LEMD3: variants seen among roughly 807,000 people sequenced by gnomAD.
The protein encoded by LEMD3 is LEM domain containing 3, also known as inner nuclear membrane protein Man1.
A neutral mutation model predicts 95.2 loss-of-function variants in LEMD3; 33 were observed. That is an observed-to-expected ratio of 0.35 (90% confidence interval 0.26 to 0.46). The LOEUF is 0.46. LEMD3 is among the 20% of genes least tolerant of loss of function. The pLI is 1.00. For synonymous variants in LEMD3, 525 were observed against 474.6 expected, an observed-to-expected ratio of 1.11 and a Z score of -1.38; for missense variants, 1,210 against 1,192.8, an observed-to-expected ratio of 1.01 and a Z score of -0.21.
chr12:65,241,075 T>C lies in LEMD3; in HGVS notation c.2293T>C (p.Trp765Arg). Residue 765 changes from tryptophan (W) to arginine (R), a missense_variant, in exon 9 of 13, where the codon TGG (tryptophan) becomes CGG (arginine). This residue lies in a region of LEMD3 where 461 missense variants were observed against 569.8 expected (regional missense o/e 0.81). Transcript: ENST00000308330. ...AATATTAGTTATACCTTCTAAAGTA[T>C]GGCAAGGTCAAGGTATGTATTTTTA... is the stretch of plus-strand genomic sequence containing the variant. ...DKILVIPSKV[W>R]QGQAFHLDRR... The C allele has an allele frequency of 6.2e-7, 1 of 1,613,814 alleles. No individual in the cohort carries two copies. The highest frequency in any genetic ancestry group is 1.1e-5 in the South Asian group (1 of 91,066).
chr12:65,199,405 A>G (rs1869526444), intron 1 of LEMD3, among the ~76,000 whole-genome samples: 1 of 152,094 alleles, frequency 6.6e-6, no homozygotes, highest in South Asian at 2.1e-4. Flanking sequence ...ATCACCTCCA[A>G]CTCAATAGGT....
At chr12:65,242,410 A>C (rs568675881) in intron 9 of LEMD3, among the ~76,000 whole-genome samples, 1 of 152,226 alleles carries the variant, frequency 6.6e-6, no homozygotes, top group South Asian at 2.1e-4. Flanking sequence ...ATTTTGAATG[A>C]AGTCTGGTTT....
intron 4 of LEMD3, among the ~76,000 whole-genome samples, chr12:65,227,133 G>T (rs186217891): frequency 1.3e-5 from 2 of 152,240 alleles, no homozygotes; most frequent in East Asian, 3.9e-4. Flanking sequence ...GCAAAAAAAG[G>T]GATTGGATTG....
chr12:65,207,317 C>G (rs572247174), intron 1 of LEMD3, among the ~76,000 whole-genome samples: 17 of 152,118 alleles, frequency 1.1e-4, no homozygotes, highest in Non-Finnish European at 1.9e-4. Flanking sequence ...TACACAGTAT[C>G]TGCAAAGGCA....
intron 1 of LEMD3, among the ~76,000 whole-genome samples, chr12:65,172,271 G>A (rs1304672814): frequency 6.6e-6 from 1 of 152,198 alleles, no homozygotes; most frequent in Non-Finnish European, 1.5e-5. Context: ...TAATTTCTCA[G>A]TGTTAGGTCC....
At chr12:65,184,456 C>T (rs1868998396) in intron 1 of LEMD3, among the ~76,000 whole-genome samples, 2 of 152,110 alleles carry the variant, frequency 1.3e-5, no homozygotes, top group African/African-American at 4.8e-5. Context: ...AGCATTGGAT[C>T]GTGTTCTGTG....
Position 65,243,111 on chromosome 12 carries a change from T to C in LEMD3, c.2306-277T>C, listed in dbSNP as rs1229299040. ...TTCAGGGAAGTTTTATTTTCTCATA[T>C]GAGGTTAAGTTACTTTTAAAAAGCT... is the stretch of plus-strand genomic sequence containing the variant. On this transcript the variant is annotated intron_variant, in intron 9 of 12. Transcript: ENST00000308330. Among the ~76,000 whole-genome samples the C allele has an allele frequency of 5.9e-5, 9 of 152,170 alleles. 1 individual carries two copies.
chr12:65,191,301 AT>A (rs1170070078), intron 1 of LEMD3, among the ~76,000 whole-genome samples: 1 of 152,130 alleles, frequency 6.6e-6, no homozygotes, highest in African/African-American at 2.4e-5. Flanking sequence ...TAAAATGGCT[AT>A]GATAAGAATT....
chr12:65,232,535 CA>C (rs888716210), intron 4 of LEMD3, among the ~76,000 whole-genome samples: 7 of 152,062 alleles, frequency 4.6e-5, no homozygotes, highest in Admixed American at 3.3e-4. Context: ...ATTCTTTATC[CA>C]GTTTTCTCCT....
intron 1 of LEMD3, among the ~76,000 whole-genome samples, chr12:65,178,850 C>T (rs1868812798): frequency 6.6e-6 from 1 of 152,124 alleles, no homozygotes; most frequent in Admixed American, 6.5e-5. Context: ...ATGTTCTCTA[C>T]TATTATTGTC....
At chr12:65,210,777 A>C in intron 1 of LEMD3, 149 bp from the exon 2 acceptor site, 1 of 745,260 alleles carries the variant, frequency 1.3e-6, no homozygotes, top group South Asian at 1.4e-5. Context: ...TTACTTCCCT[A>C]ACCTTTATTA....
chr12:65,246,101 A>T, intron 12 of LEMD3, 61 bp from the exon 13 acceptor site: 1 of 1,390,798 alleles, frequency 7.2e-7, no homozygotes. Context: ...TACCACAGTT[A>T]ATTTTCTGCA....
Position 65,246,490 on chromosome 12 carries a change from C to A in LEMD3, c.*165C>A. The A allele has an allele frequency of 1.5e-6, 1 of 651,652 alleles. No homozygotes were observed. The highest frequency in any genetic ancestry group is 2.7e-6 in the Non-Finnish European group (1 of 368,324). 40.4% of individuals were successfully genotyped at this position (651,652 alleles called of 1,614,324 possible). On this transcript the variant is annotated 3_prime_UTR_variant, in exon 13 of 13. Transcript: ENST00000308330. ...GTTCCAAAGGGATTTAGCAGTGAGG[C>A]AGCAATGCTGAGTAGGTAGGATAAT...
At position 65,169,584 on chromosome 12, in the gene LEMD3, C is replaced by G. The variant is rs758146972; in HGVS notation, c.-13C>G. 1.9e-6 allele frequency: 3 copies of G among 1,585,990 alleles called. No homozygotes were observed. In the South Asian group the frequency reaches 3.4e-5, roughly 18 times the overall value. ...CCGGTAGCGCGGAGCTTGTAAAACA[C>G]CCTGGAGAGAAAATGGCGGCGGCAG... On this transcript the variant is annotated 5_prime_UTR_variant, in exon 1 of 13. Coordinates refer to ENST00000308330, the MANE Select transcript of LEMD3 (RefSeq NM_014319.5).
intron 1 of LEMD3, 145 bp downstream of exon 1, chr12:65,171,263 C>CT: frequency 7.1e-7 from 1 of 1,413,286 alleles, no homozygotes; most frequent in Non-Finnish European, 9.6e-7. Context: ...CATGTGTCAT[C>CT]TTTCTTAAAG....
chr12:65,171,111 A>G lies in LEMD3; in HGVS notation c.1515A>G (p.Glu505=), dbSNP rs1213801462. ...MRGTGVSEDG[E]LSIENPFGET... ...GGACAGGAGTATCTGAGGATGGAGA[A>G]CTCAGCAGTAAGTATTAAATCCTGT... Residue 505 remains glutamate, a synonymous_variant, in exon 1 of 13, where the codon GAA becomes GAG. Coordinates refer to ENST00000308330, the MANE Select transcript of LEMD3 (RefSeq NM_014319.5). 1 of 1,611,152 alleles carries G rather than the reference A, an allele frequency of 6.2e-7. No individual in the cohort carries two copies. Among genetic ancestry groups the G allele is most frequent in the Non-Finnish European group, 8.5e-7 (1 of 1,179,902 alleles).
At chr12:65,238,850 G>T in intron 6 of LEMD3, 36 bp downstream of exon 6, 2 of 1,610,062 alleles carry the variant, frequency 1.2e-6, no homozygotes, top group South Asian at 2.2e-5. Flanking sequence ...ATAAATTGCA[G>T]CCTGAATTTT....
At chr12:65,215,848 T>G (rs1483136918) in intron 2 of LEMD3, 129 bp from the exon 3 acceptor site, 1 of 531,166 alleles carries the variant, frequency 1.9e-6, no homozygotes, top group Non-Finnish European at 3.4e-6. Flanking sequence ...TACTTAAATG[T>G]GAATTTGTCT....
At chr12:65,200,978 G>A (rs781640233) in intron 1 of LEMD3, among the ~76,000 whole-genome samples, 3 of 152,102 alleles carry the variant, frequency 2.0e-5, no homozygotes, top group Admixed American at 6.6e-5. Context: ...GTTTTGGGAC[G>A]GGTATAAAAT....
Sources: gnomAD v4.1 joint callset for allele counts (sites outside exome capture counted in the v4.1 genomes callset) on GRCh38, gnomAD v4.1.1 for gene constraint, gnomAD v4.1.1 regional missense constraint, MANE v1.5 for transcripts, NCBI Gene and HGNC (gene_info 2026-07-23, HGNC 2026-07-21) for gene names.